The following TSHZ3 variants were observed in gnomAD, a reference collection of about 807,000 sequenced individuals.
TSHZ3 encodes teashirt homolog 3.
TSHZ3 carries 10 observed loss-of-function variants against 64.5 expected under a neutral mutation model. The ratio of observed to expected loss-of-function variants is 0.16; its 90% CI spans 0.10 to 0.26. The LOEUF (loss-of-function observed/expected upper bound fraction) is 0.26. TSHZ3 is among the 10% of genes least tolerant of loss of function. The pLI is 1.00. For missense variants in TSHZ3, 1,242 were observed against 1,421.7 expected (o/e 0.87, Z 2.03); for synonymous variants, 608 against 593.1 (o/e 1.03, Z -0.36).
At chr19:31,297,465 C>G (rs1458892295) in intron 1 of TSHZ3, among the ~76,000 whole-genome samples, 2 of 152,100 alleles carry the variant, frequency 1.3e-5, no homozygotes, top group Non-Finnish European at 2.9e-5. Context: ...GTTCTACAAC[C>G]TCGATTTTCT....
intron 1 of TSHZ3, among the ~76,000 whole-genome samples, chr19:31,290,618 A>G (rs1429435319): frequency 3.3e-5 from 5 of 152,168 alleles, no homozygotes; most frequent in Admixed American, 6.5e-5. Context: ...GGAGTCACCT[A>G]GAGACGCTAC....
At chr19:31,280,410 T>C (rs1220729613) in intron 1 of TSHZ3, among the ~76,000 whole-genome samples, 5 of 151,624 alleles carry the variant, frequency 3.3e-5, no homozygotes, top group African/African-American at 1.2e-4. Context: ...CTGGCAGGGA[T>C]AGGTGTGGGT....
At chr19:31,313,289 T>C (rs149975265) in intron 1 of TSHZ3, among the ~76,000 whole-genome samples, 1 of 152,328 alleles carries the variant, frequency 6.6e-6, no homozygotes, top group African/African-American at 2.4e-5. Flanking sequence ...GAGGTAGTGG[T>C]TATTAAACCT....
intron 3 of TSHZ3, among the ~76,000 whole-genome samples, chr19:31,237,851 T>C (rs1437547585): frequency 6.6e-6 from 1 of 152,228 alleles, no homozygotes; most frequent in African/African-American, 2.4e-5. Context: ...TAATTTTCAC[T>C]GGCTTCTGAG....
intron 5 of TSHZ3, among the ~76,000 whole-genome samples, chr19:31,159,820 G>A (rs764952678): frequency 4.3e-4 from 65 of 151,762 alleles, no homozygotes; most frequent in Non-Finnish European, 8.5e-4. Flanking sequence ...AGCCCCCCAA[G>A]TAACTGAGAC....
At chr19:31,254,507 C>T (rs1472726938) in intron 1 of TSHZ3, among the ~76,000 whole-genome samples, 1 of 152,218 alleles carries the variant, frequency 6.6e-6, no homozygotes, top group Non-Finnish European at 1.5e-5. Context: ...GTGGCTCGCC[C>T]TCTCTGAGAG....
intron 5 of TSHZ3, among the ~76,000 whole-genome samples, chr19:31,169,331 G>T (rs1974502966): frequency 6.6e-6 from 1 of 152,194 alleles, no homozygotes; most frequent in Non-Finnish European, 1.5e-5. Flanking sequence ...CATGTTCATA[G>T]CAGCATTATT....
intron 1 of TSHZ3, among the ~76,000 whole-genome samples, chr19:31,243,511 C>T (rs1975723387): frequency 6.6e-6 from 1 of 152,196 alleles, no homozygotes; most frequent in African/African-American, 2.4e-5. Context: ...TCATATAATG[C>T]CCTGAACTTT....
At chr19:31,185,229 C>A (rs780677412) in intron 5 of TSHZ3, among the ~76,000 whole-genome samples, 1 of 152,180 alleles carries the variant, frequency 6.6e-6, no homozygotes, top group Non-Finnish European at 1.5e-5. Flanking sequence ...TTTGGGCTAT[C>A]CTGGGCCTCC....
downstream of TSHZ3, among the ~76,000 whole-genome samples, chr19:31,271,438 G>A (rs975249339): frequency 1.3e-5 from 2 of 152,172 alleles, no homozygotes; most frequent in African/African-American, 4.8e-5. Flanking sequence ...AGTGACACCC[G>A]GAATCCAGCC....
chr19:31,237,167 AAAACAATCAAC>A (rs1307380824), intron 3 of TSHZ3, among the ~76,000 whole-genome samples: 16 of 152,272 alleles, frequency 1.1e-4, no homozygotes, highest in Admixed American at 5.9e-4. Flanking sequence ...AAACAAACAA[AAAACAATCAAC>A]AGAGTGAAAA....
chr19:31,226,465 T>C (rs1357232555), intron 4 of TSHZ3, among the ~76,000 whole-genome samples: 1 of 152,184 alleles, frequency 6.6e-6, no homozygotes, highest in African/African-American at 2.4e-5. Flanking sequence ...ATGTAAGGTG[T>C]GCCTTTTGCC....
chr19:31,308,510 G>A lies in TSHZ3; in HGVS notation c.41-28758C>T, dbSNP rs114139036. The A allele has an allele frequency of 1.7e-3, 662 of 394,682 alleles. 2 individuals are homozygous for A. The highest frequency in any genetic ancestry group is 8.4e-3 in the African/African-American group (409 of 48,630). 24.4% of individuals were successfully genotyped at this position (394,682 alleles called of 1,614,324 possible). On this transcript the variant is annotated intron_variant, in intron 1 of 1. Coordinates refer to ENST00000240587, the MANE Select transcript of TSHZ3 (RefSeq NM_020856.4). Reference sequence around the variant, plus strand: ...CCAATTGTTTGTCATCGTCTCCAGCGTGGACCACCACTAAGGGCTCCATTT... The same window carrying A: ...CCAATTGTTTGTCATCGTCTCCAGCATGGACCACCACTAAGGGCTCCATTT...
chr19:31,253,448 C>T (rs1975867849), intron 1 of TSHZ3, among the ~76,000 whole-genome samples: 1 of 152,140 alleles, frequency 6.6e-6, no homozygotes, highest in Non-Finnish European at 1.5e-5. Context: ...CAACTGTGTG[C>T]CCCTCCACAG....
chr19:31,203,822 C>A (rs1244537168), intron 5 of TSHZ3, among the ~76,000 whole-genome samples: 1 of 151,830 alleles, frequency 6.6e-6, no homozygotes, highest in Non-Finnish European at 1.5e-5. Context: ...TTTCTTTCTT[C>A]TCCCCTCTCT....
intron 4 of TSHZ3, among the ~76,000 whole-genome samples, chr19:31,224,310 T>C (rs1049099901): frequency 6.6e-6 from 1 of 152,212 alleles, no homozygotes; most frequent in Admixed American, 6.5e-5. Flanking sequence ...TAGTCAACCA[T>C]GGTTAATTTG....
At chr19:31,335,001 A>G (rs1352523055) in intron 1 of TSHZ3, among the ~76,000 whole-genome samples, 4 of 152,138 alleles carry the variant, frequency 2.6e-5, no homozygotes, top group Non-Finnish European at 4.4e-5. Context: ...GGGGAGCAAG[A>G]AACACAAGAT....
At position 31,195,862 on chromosome 19, in the gene TSHZ3, CTT is replaced by C. The variant is rs573390863; in HGVS notation, n.809+9092_809+9093del. On this transcript the variant is annotated intron_variant and non_coding_transcript_variant, in intron 5 of 6. Coordinates refer to the TSHZ3 transcript ENST00000651361. The stretch of plus-strand genomic sequence containing the variant: ...ATATAATCAATATAGTTATGTGTCT[CTT>C]AACAATGAGGATACTTTTTGAGAAA... Among the ~76,000 whole-genome samples, 95 of 152,034 alleles carry C rather than the reference CTT, an allele frequency of 6.2e-4. No homozygotes were observed. The South Asian group carries it at 0.012, about 19-fold the overall frequency.
At chr19:31,151,120 C>T (rs1239613491) in exon 7 of TSHZ3, among the ~76,000 whole-genome samples, 1 of 152,156 alleles carries the variant, frequency 6.6e-6, no homozygotes. Flanking sequence ...GTAATAACCA[C>T]AGGGAAGTTT....
Sources: allele counts gnomAD v4.1 joint callset (sites outside exome capture counted in the v4.1 genomes callset), GRCh38; gene constraint gnomAD v4.1.1; transcripts MANE v1.5; gene names NCBI Gene and HGNC (gene_info 2026-07-23, HGNC 2026-07-21).